The following GSE1 variants were observed in gnomAD, a reference collection of about 807,000 sequenced individuals.
GSE1 encodes the protein Gse1 coiled-coil protein.
A neutral mutation model predicts 112.6 loss-of-function variants in GSE1; 32 were observed. That is an observed-to-expected ratio of 0.28 (90% CI 0.21 to 0.38). GSE1 has a LOEUF of 0.38. Among genes scored for constraint, GSE1 ranks in the 10% least tolerant of loss-of-function variants. The pLI, the probability that GSE1 is intolerant of heterozygous loss-of-function variation, is 1.00. For synonymous variants in GSE1, 1,115 were observed against 735.6 expected, an observed-to-expected ratio of 1.52 and a Z score of -8.35; for missense variants, 2,348 against 1,699.2, an observed-to-expected ratio of 1.38 and a Z score of -6.71.
intron 1 of GSE1, among the ~76,000 whole-genome samples, chr16:85,209,543 A>G (rs572170288): frequency 5.0e-4 from 76 of 151,666 alleles, no homozygotes; most frequent in Non-Finnish European, 2.5e-4. Context: ...GCTGCCCCAC[A>G]TTAGGGAGAA....
chr16:85,249,416 G>A (rs1377787193), intron 1 of GSE1, among the ~76,000 whole-genome samples: 1 of 152,244 alleles, frequency 6.6e-6, no homozygotes, highest in Non-Finnish European at 1.5e-5. Context: ...GTGGGCCTGT[G>A]CAGGCAGCAA....
At chr16:85,502,871 G>C (rs1415912365) in intron 2 of GSE1, among the ~76,000 whole-genome samples, 1 of 152,220 alleles carries the variant, frequency 6.6e-6, no homozygotes, top group Non-Finnish European at 1.5e-5. Flanking sequence ...CAAGCAGGGG[G>C]GTGAAAAAGA....
At chr16:85,250,110 G>A (rs1906299663) in intron 1 of GSE1, among the ~76,000 whole-genome samples, 1 of 152,212 alleles carries the variant, frequency 6.6e-6, no homozygotes, top group Admixed American at 6.5e-5. Context: ...AGCTCTGCTC[G>A]GTTCTCTCCT....
intron 1 of GSE1, among the ~76,000 whole-genome samples, chr16:85,623,832 A>G (rs578007296): frequency 6.6e-6 from 1 of 151,508 alleles, no homozygotes. Context: ...TGCCCAGGCC[A>G]CTCCTGGCCC....
intron 1 of GSE1, among the ~76,000 whole-genome samples, chr16:85,209,400 T>C (rs1302462741): frequency 6.6e-6 from 1 of 152,100 alleles, no homozygotes; most frequent in African/African-American, 2.4e-5. Context: ...CCCCCGCCCC[T>C]GCTCTGATCA....
intron 2 of GSE1, among the ~76,000 whole-genome samples, chr16:85,365,208 C>T (rs1327681271): frequency 6.6e-6 from 1 of 152,314 alleles, no homozygotes; most frequent in South Asian, 2.1e-4. Context: ...CATCCTCACA[C>T]CCGCCCCCAG....
In GSE1 at chr16:85,193,918, A is replaced by G. The variant is rs1297834349; in HGVS notation, c.2283+22111A>G. 1.6e-4 allele frequency among the ~76,000 whole-genome samples: 24 copies of G among 152,186 alleles called. 1 individual carries two copies. The highest frequency in any genetic ancestry group is 1.6e-3 in the Admixed American group (24 of 15,284). On this transcript the variant is annotated intron_variant, in intron 1 of 2. Coordinates refer to the GSE1 transcript ENST00000637419. ...GTCAGGGCACTGACGTCGACAGTCC[A>G]TAGATCTTATTCCGACTTCTCCAGT... is the stretch of plus-strand genomic sequence containing the variant.
intron 1 of GSE1, among the ~76,000 whole-genome samples, chr16:85,616,048 T>A (rs1384690998): frequency 6.6e-6 from 1 of 152,168 alleles, no homozygotes; most frequent in East Asian, 1.9e-4. Context: ...GAGTGCCTTG[T>A]GGTTTCAGAG....
intron 2 of GSE1, among the ~76,000 whole-genome samples, chr16:85,398,556 C>T (rs1369665534): frequency 6.6e-6 from 1 of 152,160 alleles, no homozygotes; most frequent in African/African-American, 2.4e-5. Flanking sequence ...GGGAGAACTG[C>T]CTAGGACATG....
chr16:85,371,294 T>C (rs2047295218), intron 2 of GSE1, among the ~76,000 whole-genome samples: 1 of 152,148 alleles, frequency 6.6e-6, no homozygotes, highest in South Asian at 2.1e-4. Context: ...TCCCCGGGGA[T>C]GGCCCCACGC....
chr16:85,439,296 A>G (rs1278159767), intron 2 of GSE1, among the ~76,000 whole-genome samples: 1 of 152,208 alleles, frequency 6.6e-6, no homozygotes, highest in Non-Finnish European at 1.5e-5. Context: ...GGCCTGCCCC[A>G]TGACCCAGGT....
At chr16:85,366,272 G>A (rs549142495) in intron 2 of GSE1, among the ~76,000 whole-genome samples, 12 of 152,340 alleles carry the variant, frequency 7.9e-5, no homozygotes. Flanking sequence ...AGGGCACGGG[G>A]GGCTGGATTT....
intron 1 of GSE1, among the ~76,000 whole-genome samples, chr16:85,246,511 C>T (rs984983511): frequency 9.5e-6 from 1 of 105,640 alleles, no homozygotes; most frequent in African/African-American, 3.1e-5. Context: ...CCCCCCCCCC[C>T]CCGACGCTGT....
chr16:85,420,597 G>A (rs549614619), intron 2 of GSE1, among the ~76,000 whole-genome samples: 32 of 152,252 alleles, frequency 2.1e-4, no homozygotes, highest in South Asian at 1.0e-3. Context: ...CTCCAGTGAC[G>A]CGACTCACAA....
At chr16:85,613,573 C>G (rs1434190149) in intron 1 of GSE1, among the ~76,000 whole-genome samples, 175 bp downstream of exon 1, 2 of 151,598 alleles carry the variant, frequency 1.3e-5, no homozygotes, top group South Asian at 4.2e-4. Flanking sequence ...AAGGCCACCC[C>G]CTTCCTCCGC....
chr16:85,638,231 A>G (rs986133484), intron 2 of GSE1, among the ~76,000 whole-genome samples: 33 of 152,232 alleles, frequency 2.2e-4, no homozygotes, highest in Admixed American at 1.1e-3. Flanking sequence ...AAGCTGTGGC[A>G]TGCGCTGCCC....
rs776913297 is a variant in GSE1, at chr16:85,672,475, G to A, written c.3590G>A (p.Arg1197Gln). The part of the protein sequence containing the change: ...ERLQAELDHL[R>Q]KCLALPAMHW... The stretch of plus-strand genomic sequence containing the variant: ...CTCCAGGCAGAACTGGACCACTTAC[G>A]AAAGTGCCTTGCCTTGCCTGCAATG... Residue 1197 changes from arginine to glutamine, a missense_variant, in exon 16 of 16, where the codon CGA becomes CAA. Coordinates refer to ENST00000253458, the MANE Select transcript of GSE1 (RefSeq NM_014615.5). The A allele has an allele frequency of 2.6e-5, 42 of 1,611,660 alleles. No individual in the cohort carries two copies. Among genetic ancestry groups the A allele is most frequent in the African/African-American group, 1.1e-4 (8 of 74,874 alleles).
intron 2 of GSE1, among the ~76,000 whole-genome samples, chr16:85,504,710 C>T (rs1000638910): frequency 2.6e-5 from 4 of 152,084 alleles, no homozygotes; most frequent in Admixed American, 6.6e-5. Context: ...ATTTATTTGT[C>T]GGGATGTCTG....
intron 2 of GSE1, among the ~76,000 whole-genome samples, chr16:85,453,276 A>G (rs1425416128): frequency 6.6e-6 from 1 of 152,146 alleles, no homozygotes; most frequent in Non-Finnish European, 1.5e-5. Flanking sequence ...GACCCTGAGC[A>G]GCCCGCCCAC....
Sources: gnomAD v4.1 joint callset for allele counts (sites outside exome capture counted in the v4.1 genomes callset) on GRCh38, gnomAD v4.1.1 for gene constraint, MANE v1.5 for transcripts, NCBI Gene and HGNC (gene_info 2026-07-23, HGNC 2026-07-21) for gene names.